Variants in NOL4L observed in about 807,000 individuals in gnomAD.
The protein encoded by NOL4L is nucleolar protein 4-like.
NOL4L carries 7 observed loss-of-function variants against 64.5 expected under a neutral mutation model. The observed-to-expected ratio is 0.11, with a 90% CI of 0.06 to 0.20. The LOEUF is 0.20. Among genes scored for constraint, NOL4L ranks in the 10% least tolerant of loss-of-function variants. The pLI is 1.00. For synonymous variants in NOL4L, 413 were observed against 401.0 expected, an observed-to-expected ratio of 1.03 and a Z score of -0.36; for missense variants, 680 against 967.1, an observed-to-expected ratio of 0.70 and a Z score of 3.94.
intron 1 of NOL4L, among the ~76,000 whole-genome samples, chr20:32,574,883 C>T (rs1239827492): frequency 6.6e-6 from 1 of 151,704 alleles, no homozygotes; most frequent in East Asian, 1.9e-4. Context: ...TGCGCCTTCA[C>T]CCCAGATCTG....
Position 32,483,393 on chromosome 20 carries a change from C to A in NOL4L, c.700-8651G>T. 3 of 985,288 alleles carry A rather than the reference C, an allele frequency of 3.0e-6. No individual in the cohort carries two copies. The South Asian group carries it at 1.4e-4, about 45-fold the overall frequency. The allele number at this position is 985,288 out of a possible 1,614,324, so 61.0% of individuals were successfully genotyped here. ...TGGAAGCGAGGCGGAGATGGGCGGT[C>A]GGGATCCGCGAGTGAGCGGGGCGGG... On this transcript the variant is annotated intron_variant, in intron 4 of 10. Coordinates refer to ENST00000621426, the MANE Select transcript of NOL4L (RefSeq NM_001256798.2).
intron 1 of NOL4L, among the ~76,000 whole-genome samples, chr20:32,544,598 G>A (rs906630300): frequency 1.3e-5 from 2 of 151,550 alleles, no homozygotes; most frequent in South Asian, 2.1e-4. Flanking sequence ...GCAGGTGGGC[G>A]AGGCTGGAAG....
At chr20:32,583,814 C>T (rs1980679022) in intron 1 of NOL4L, among the ~76,000 whole-genome samples, 1 of 149,118 alleles carries the variant, frequency 6.7e-6, no homozygotes, top group African/African-American at 2.5e-5. Context: ...CCCTCCCCCA[C>T]GCCACCCCGC....
intron 1 of NOL4L, among the ~76,000 whole-genome samples, chr20:32,551,971 G>A (rs917297229): frequency 1.1e-4 from 16 of 151,712 alleles, no homozygotes; most frequent in African/African-American, 3.9e-4. Flanking sequence ...TAAATGTTTT[G>A]TAGAGACAGG....
chr20:32,500,577 G>A (rs891389138), intron 4 of NOL4L, among the ~76,000 whole-genome samples: 72 of 132,878 alleles, frequency 5.4e-4, no homozygotes, highest in African/African-American at 1.8e-3. Flanking sequence ...TGGTTTCATC[G>A]TGTTAGCCAG....
At chr20:32,538,462 G>GCTCCCTCGCTCCCTCCCTCC (rs2018591586) in intron 1 of NOL4L, among the ~76,000 whole-genome samples, 6 of 125,954 alleles carry the variant, frequency 4.8e-5, no homozygotes, top group African/African-American at 1.5e-4. Context: ...TCCCTCCCTC[G>GCTCCCTCGCTCCCTCCCTCC]CTCCCTCCCT....
At position 32,452,909 on chromosome 20, in the gene NOL4L, C is replaced by A. The variant is rs1460119422; in HGVS notation, c.1595G>T (p.Arg532Leu). The A allele has an allele frequency of 1.2e-6, 2 of 1,614,038 alleles. No individual in the cohort carries two copies. Among genetic ancestry groups the A allele is most frequent in the Non-Finnish European group, 1.7e-6 (2 of 1,180,012 alleles). The change falls in exon 9 of 11, where the codon CGT (arginine) becomes CTT (leucine). Residue 532 changes from arginine (R) to leucine (L), a missense_variant. Around this residue, in one of 4 missense-constraint regions of NOL4L, gnomAD observed 175 missense variants for 227.0 expected, o/e 0.77. Coordinates refer to ENST00000621426, the MANE Select transcript of NOL4L (RefSeq NM_001256798.2). Reference protein sequence around the residue: ...SETRKAAKRMRLEIYQSSQDE... With the variant: ...SETRKAAKRMLLEIYQSSQDE... ...CTGTGAGGACTGGTAGATCTCTAGA[C>A]GCATCCGCTTGGCTGCCTTTCTTGT...
intron 3 of NOL4L, among the ~76,000 whole-genome samples, chr20:32,514,252 G>A (rs1013628718): frequency 6.6e-6 from 1 of 152,202 alleles, no homozygotes; most frequent in East Asian, 1.9e-4. Flanking sequence ...AGCACTTAGG[G>A]AGGCTGAGGC....
intron 1 of NOL4L, chr20:32,536,268 C>G (rs938948328): frequency 1.9e-5 from 19 of 985,368 alleles, no homozygotes; most frequent in Non-Finnish European, 2.3e-5. Context: ...AAGGAGGTAG[C>G]CCTGAGCCAG....
At chr20:32,525,326 C>A (rs1257241058) in intron 2 of NOL4L, among the ~76,000 whole-genome samples, 2 of 152,312 alleles carry the variant, frequency 1.3e-5, no homozygotes, top group East Asian at 1.9e-4. Context: ...TCCGCCTGGA[C>A]AACAGCAAGT....
intron 5 of NOL4L, among the ~76,000 whole-genome samples, chr20:32,456,853 C>T (rs2013587688): frequency 6.6e-6 from 1 of 152,228 alleles, no homozygotes; most frequent in African/African-American, 2.4e-5. Flanking sequence ...CTCTCAGAGC[C>T]CCTGCCCACG....
intron 3 of NOL4L, among the ~76,000 whole-genome samples, chr20:32,512,544 A>G (rs1480457025): frequency 6.6e-6 from 1 of 152,214 alleles, no homozygotes; most frequent in African/African-American, 2.4e-5. Context: ...GAGAATTTGC[A>G]AAGTACAGAA....
chr20:32,481,083 G>A (rs1034730263), intron 4 of NOL4L, among the ~76,000 whole-genome samples: 1 of 152,172 alleles, frequency 6.6e-6, no homozygotes, highest in Non-Finnish European at 1.5e-5. Context: ...CACGCACACT[G>A]TGTCTGTCAG....
In NOL4L at chr20:32,456,162, C is replaced by G. The variant is rs1376305740; in HGVS notation, c.1075G>C (p.Gly359Arg). 1.6e-5 allele frequency: 25 copies of G among 1,577,200 alleles called. No individual in the cohort carries two copies. Among genetic ancestry groups the G allele is most frequent in the Non-Finnish European group, 2.0e-5 (23 of 1,160,150 alleles). Residue 359 changes from glycine to arginine, a missense_variant, in exon 6 of 11, where the codon GGG becomes CGG. Gly to Arg is a moderately radical substitution (Grantham distance 125, BLOSUM62 -2). Around this residue, in one of 4 missense-constraint regions of NOL4L, gnomAD observed 254 missense variants for 238.7 expected, o/e 1.06. Coordinates refer to ENST00000621426, the MANE Select transcript of NOL4L (RefSeq NM_001256798.2). ...CCGTATTTGACGCGGCTCCGCAGCC[C>G]GTCGGCACCGCAGCCATCCGAGGGG... ...SYPSDGCGAD[G>R]LRSRVKYGVK...
At chr20:32,514,361 G>A (rs775065822) in intron 3 of NOL4L, among the ~76,000 whole-genome samples, 3 of 151,950 alleles carry the variant, frequency 2.0e-5, no homozygotes, top group African/African-American at 4.8e-5. Flanking sequence ...GCATGGTGGC[G>A]CATGCCTGTA....
chr20:32,527,758 C>T lies in NOL4L; in HGVS notation c.477G>A (p.Ala159=). 12 of 1,545,546 alleles carry T rather than the reference C, an allele frequency of 7.8e-6. No individual in the cohort carries two copies. The highest frequency in any genetic ancestry group is 1.0e-5 in the Non-Finnish European group (12 of 1,143,170). ...KHAGQKKTYR[A]IAETYAFLPR... Reference sequence around the variant, plus strand: ...GGAGGCAAAGAGACAGAAATCTCACCGCTCGGTAGGTTTTCTTCTGCCCAG... The same window carrying T: ...GGAGGCAAAGAGACAGAAATCTCACTGCTCGGTAGGTTTTCTTCTGCCCAG... Residue 159 remains alanine, a splice_region_variant and synonymous_variant, in exon 2 of 11, where the codon GCG becomes GCA. Transcript: ENST00000621426.
At chr20:32,536,335 G>A in intron 1 of NOL4L, 3 of 985,140 alleles carry the variant, frequency 3.0e-6, no homozygotes, top group Non-Finnish European at 1.2e-6. Flanking sequence ...GCGCGCTAAC[G>A]AGCGGAGAGC....
At chr20:32,534,698 C>G (rs1260348784) in intron 1 of NOL4L, among the ~76,000 whole-genome samples, 1 of 151,674 alleles carries the variant, frequency 6.6e-6, no homozygotes, top group Non-Finnish European at 1.5e-5. Context: ...CCACCCCCCG[C>G]CGCCAGGAGG....
At chr20:32,520,773 G>A (rs753645832) in intron 3 of NOL4L, 38 bp downstream of exon 3, 1 of 1,316,524 alleles carries the variant, frequency 7.6e-7, no homozygotes, top group South Asian at 1.3e-5. Context: ...CTCTTAGATG[G>A]CCCCCGCCCT....
Sources: gnomAD v4.1 joint callset for allele counts (sites outside exome capture counted in the v4.1 genomes callset) on GRCh38, gnomAD v4.1.1 for gene constraint, gnomAD v4.1.1 regional missense constraint, MANE v1.5 for transcripts, NCBI Gene and HGNC (gene_info 2026-07-23, HGNC 2026-07-21) for gene names.